The following FANCB variants were observed in gnomAD, a reference collection of about 807,000 sequenced individuals.
FANCB encodes Fanconi anemia group B protein.
A neutral mutation model predicts 38.9 loss-of-function variants in FANCB; 5 were observed. That is an observed-to-expected ratio of 0.13 (90% CI 0.07 to 0.27). The LOEUF (loss-of-function observed/expected upper bound fraction) is 0.27. FANCB is among the 10% of genes least tolerant of loss of function. The pLI is 1.00. For synonymous variants in FANCB, 236 were observed against 215.4 expected, an observed-to-expected ratio of 1.10 and a Z score of -0.84; for missense variants, 573 against 602.7, an observed-to-expected ratio of 0.95 and a Z score of 0.52.
the FANCB span, among the ~76,000 whole-genome samples, chrX:14,740,066 G>C: frequency 3.6e-5 from 4 of 111,547 alleles, no homozygotes; most frequent in African/African-American, 9.8e-5. Flanking sequence ...AGTCTCATTA[G>C]TAGCTCCAGG....
chrX:14,783,643 C>G, the FANCB span, among the ~76,000 whole-genome samples: 1 of 111,814 alleles, frequency 8.9e-6, no homozygotes, highest in African/African-American at 3.3e-5. Context: ...GGGGATATTT[C>G]TGGGAACAGA....
At chrX:14,867,909 T>A (rs976547359) in intron 2 of FANCB, among the ~76,000 whole-genome samples, 2 of 110,820 alleles carry the variant, frequency 1.8e-5, no homozygotes, top group Non-Finnish European at 3.8e-5. Context: ...AATAGACATA[T>A]CTCAAAAGAA....
downstream of FANCB, chrX:14,834,617 G>A (rs887672634): frequency 1.1e-5 from 6 of 567,166 alleles, no homozygotes; most frequent in Admixed American, 2.4e-5. Context: ...TTGCTTTAAC[G>A]TCTTCTACAG....
chrX:14,777,302 T>C, the FANCB span, among the ~76,000 whole-genome samples: 2 of 112,312 alleles, frequency 1.8e-5, no homozygotes, highest in Non-Finnish European at 3.8e-5. Context: ...GGACACCTGC[T>C]GAGAGTTATC....
chrX:14,689,874 T>C, the FANCB span, among the ~76,000 whole-genome samples: 68 of 112,134 alleles, frequency 6.1e-4, no homozygotes, highest in African/African-American at 2.2e-3. Context: ...GCATTTTCCA[T>C]TGCAAGCAAA....
the FANCB span, among the ~76,000 whole-genome samples, chrX:14,788,960 A>G: frequency 2.7e-5 from 3 of 112,403 alleles, no homozygotes; most frequent in Middle Eastern, 4.6e-3. Flanking sequence ...GTCATTAAAA[A>G]AGAACTTTTC....
the FANCB span, among the ~76,000 whole-genome samples, chrX:14,720,851 G>C: frequency 9.0e-6 from 1 of 110,983 alleles, no homozygotes; most frequent in Non-Finnish European, 1.9e-5. Context: ...TGGGGGCAGG[G>C]CTGGGCATGT....
Position 14,850,497 on chromosome X carries a change from T to A in FANCB, c.1496+8A>T, listed in dbSNP as rs2092396418. 6 of 1,189,027 alleles carry A rather than the reference T, an allele frequency of 5.0e-6. No homozygotes were observed. The highest frequency in any genetic ancestry group is 6.9e-6 in the Non-Finnish European group (6 of 874,822). On this transcript the variant is annotated splice_region_variant and intron_variant, in intron 7 of 9. Coordinates refer to ENST00000650831, the MANE Select transcript of FANCB (RefSeq NM_001018113.3). ...CAAGACAGTGTTATCATGTTGGAATTTACTTACAGCTTCAAAGAAGATGTA... is the reference window on the plus strand; with the variant it reads ...CAAGACAGTGTTATCATGTTGGAATATACTTACAGCTTCAAAGAAGATGTA...
chrX:14,804,750 G>A, the FANCB span, among the ~76,000 whole-genome samples: 32 of 112,351 alleles, frequency 2.8e-4, no homozygotes, highest in African/African-American at 1.0e-3. Context: ...TCTACCCATA[G>A]CAGATAGACA....
chrX:14,786,234 T>C, the FANCB span, among the ~76,000 whole-genome samples: 1 of 111,433 alleles, frequency 9.0e-6, no homozygotes, highest in African/African-American at 3.3e-5. Flanking sequence ...AAAGAGGAAC[T>C]CTGCTGAGAG....
At chrX:14,799,540 G>A in the FANCB span, among the ~76,000 whole-genome samples, 1 of 111,980 alleles carries the variant, frequency 8.9e-6, no homozygotes. Flanking sequence ...TGTGGAAGTG[G>A]CTTTGGAATT....
chrX:14,861,114 T>C (rs6631237), intron 3 of FANCB, among the ~76,000 whole-genome samples: 9,157 of 110,568 alleles, frequency 0.083, 860 homozygotes, highest in African/African-American at 0.26. Context: ...AAACTCTAGG[T>C]CTCAAGCAAT....
chrX:14,756,762 T>C, the FANCB span, among the ~76,000 whole-genome samples: 1 of 112,021 alleles, frequency 8.9e-6, no homozygotes, highest in Admixed American at 9.5e-5. Context: ...TTTCTTTTGT[T>C]TTATGTTATC....
the FANCB span, among the ~76,000 whole-genome samples, chrX:14,779,701 T>C: frequency 9.3e-6 from 1 of 107,045 alleles, no homozygotes; most frequent in Non-Finnish European, 1.9e-5. Flanking sequence ...CAGCACAGAA[T>C]GGACTAAAAC....
At chrX:14,742,663 C>G in the FANCB span, among the ~76,000 whole-genome samples, 2 of 111,883 alleles carry the variant, frequency 1.8e-5, no homozygotes, top group Non-Finnish European at 3.8e-5. Context: ...TAAATGAAGT[C>G]TATTCCTTTG....
In FANCB at chrX:14,853,054, C is replaced by A. The variant is rs762387195; in HGVS notation, c.1311G>T (p.Thr437=). ...TTACTTTTACCTCCTCTGCACTTGA[C>A]GTATTATCATCTTTTCCTTGAACTA... The part of the protein sequence containing the change: ...INLVQGKDDN[T]SSAEEKECLV... The change falls in exon 6 of 10, where the codon ACG becomes ACT. Residue 437 remains threonine, a synonymous_variant. Transcript: ENST00000650831. 8.3e-7 allele frequency: 1 copy of A among 1,200,086 alleles called. No individual in the cohort carries two copies. The highest frequency in any genetic ancestry group is 1.1e-6 in the Non-Finnish European group (1 of 886,053).
the FANCB span, among the ~76,000 whole-genome samples, chrX:14,728,407 A>G: frequency 5.5e-4 from 61 of 111,507 alleles, 4 homozygotes. Flanking sequence ...TAATAATAAT[A>G]AAGGTTATAA....
intron 5 of FANCB, among the ~76,000 whole-genome samples, chrX:14,855,817 A>G (rs749366461): frequency 1.4e-4 from 16 of 112,202 alleles, no homozygotes; most frequent in African/African-American, 5.2e-4. Context: ...TGCCTGGGGC[A>G]CCACCAATTT....
the FANCB span, among the ~76,000 whole-genome samples, chrX:14,709,047 A>T: frequency 9.0e-6 from 1 of 111,501 alleles, no homozygotes; most frequent in Non-Finnish European, 1.9e-5. Flanking sequence ...TTTGCCTCTG[A>T]TTATAACTAT....
Sources: allele counts gnomAD v4.1 joint callset (sites outside exome capture counted in the v4.1 genomes callset), GRCh38; gene constraint gnomAD v4.1.1; transcripts MANE v1.5; gene names NCBI Gene and HGNC (gene_info 2026-07-23, HGNC 2026-07-21).